The following SYNJ2 variants were observed in gnomAD, a reference collection of about 807,000 sequenced individuals.
The protein encoded by SYNJ2 is polyphosphatidylinositol phosphatase SYNJ2.
In SYNJ2, 116 loss-of-function variants were observed where a neutral mutation model predicts 141.3. That is an observed-to-expected ratio of 0.82 (90% confidence interval 0.71 to 0.96). SYNJ2 has a LOEUF of 0.96. Among genes scored for constraint, SYNJ2 ranks in the 40% least tolerant of loss-of-function variants. The probability of loss-of-function intolerance (pLI) is 0.00; values close to 1 mark genes in which losing one functional copy is unlikely to be tolerated. For missense variants in SYNJ2, 1,873 were observed against 1,934.8 expected (o/e 0.97, Z 0.60); for synonymous variants, 745 against 777.7 (o/e 0.96, Z 0.70).
At chr6:157,988,917 A>G (rs7771656) in intron 1 of SYNJ2, among the ~76,000 whole-genome samples, 4,466 of 152,224 alleles carry the variant, frequency 0.029, 221 homozygotes, top group African/African-American at 0.1. Flanking sequence ...CCACCTTCAA[A>G]GTCCATACGA....
chr6:158,047,799 A>AAAAAAC (rs1780334571), intron 5 of SYNJ2, among the ~76,000 whole-genome samples: 2 of 149,806 alleles, frequency 1.3e-5, no homozygotes, highest in African/African-American at 4.9e-5. Context: ...AAAAAAAAAA[A>AAAAAAC]AAAAAACACA....
chr6:158,049,749 G>A (rs1343205877), intron 5 of SYNJ2, among the ~76,000 whole-genome samples: 1 of 151,766 alleles, frequency 6.6e-6, no homozygotes, highest in Admixed American at 6.6e-5. Context: ...TGCAGGTGGG[G>A]ACACGGCTCT....
rs1250575772 is a variant in SYNJ2 at position 158,028,930 on chromosome 6, AT to A, written c.392del (p.Phe131SerfsTer12). The A allele has an allele frequency of 1.2e-6, 2 of 1,613,948 alleles. No homozygotes were observed. The highest frequency in any genetic ancestry group is 1.7e-6 in the Non-Finnish European group (2 of 1,180,000). On this transcript the variant is annotated frameshift_variant, in exon 3 of 27. Coordinates refer to ENST00000355585, the MANE Select transcript of SYNJ2 (RefSeq NM_003898.4). LOFTEE classifies it high-confidence loss of function. ...LKKILSSGVF[Y>X]FSWPNDGSRF... The stretch of plus-strand genomic sequence containing the variant: ...AAAATCCTCAGCTCGGGGGTGTTCT[AT>A]TTCTCATGGCCAAACGATGGGTCTC...
chr6:158,038,631 T>G (rs1339830959), intron 4 of SYNJ2, among the ~76,000 whole-genome samples: 2 of 152,204 alleles, frequency 1.3e-5, no homozygotes, highest in East Asian at 3.8e-4. Context: ...GCTGTCCACG[T>G]GGGCCTTCAG....
At chr6:158,095,587 T>C in intron 26 of SYNJ2, 31 bp from the exon 27 acceptor site, 2 of 1,549,604 alleles carry the variant, frequency 1.3e-6, no homozygotes, top group Non-Finnish European at 8.7e-7. Flanking sequence ...ATTGGCTTCT[T>C]ATTTACACTC....
Position 158,071,706 on chromosome 6 carries a change from T to C in SYNJ2, c.2045T>C (p.Ile682Thr), listed in dbSNP as rs1781936821. 1 of 1,614,034 alleles carries C rather than the reference T, an allele frequency of 6.2e-7. No homozygotes were observed. The highest frequency in any genetic ancestry group is 8.5e-7 in the Non-Finnish European group (1 of 1,180,008). ...FQFHSTSFCF[I>T]CSHLTAGQSQ... is the part of the protein sequence containing the mutation. ...TTCCACAGCACCAGCTTCTGCTTCA[T>C]ATGTAGTCACCTGACGGCCGGGCAG... The change falls in exon 15 of 27, where the codon ATA (isoleucine) becomes ACA (threonine). Residue 682 changes from isoleucine (I) to threonine (T), a missense_variant. Physicochemically the swap from Ile to Thr is moderately conservative, Grantham distance 89. Transcript: ENST00000355585. The surrounding 1 kb of genome is among the most constrained non-coding windows in gnomAD (Gnocchi z 4.3).
At chr6:157,983,948 C>T (rs150002654) in intron 1 of SYNJ2, among the ~76,000 whole-genome samples, 353 of 152,326 alleles carry the variant, frequency 2.3e-3, no homozygotes, top group African/African-American at 8.0e-3. Context: ...CTGCCTCAGC[C>T]TCCTGAGTAG....
At chr6:157,991,473 A>T (rs1265755769) in intron 1 of SYNJ2, among the ~76,000 whole-genome samples, 7 of 152,122 alleles carry the variant, frequency 4.6e-5, no homozygotes, top group Admixed American at 4.6e-4. Context: ...GAGGGAGGAG[A>T]CCTGAATCCT....
intron 2 of SYNJ2, among the ~76,000 whole-genome samples, chr6:158,026,585 G>A (rs911232936): frequency 2.0e-5 from 3 of 152,144 alleles, no homozygotes; most frequent in Admixed American, 6.5e-5. Flanking sequence ...GGCTGCTACA[G>A]TGCTCCTCTC....
At position 158,096,389 on chromosome 6, in the gene SYNJ2, C is replaced by A; in HGVS notation, c.*25C>A. The A allele has an allele frequency of 1.3e-6, 2 of 1,555,802 alleles. No individual in the cohort carries two copies. Among genetic ancestry groups the A allele is most frequent in the South Asian group, 2.5e-5 (2 of 81,156 alleles). ...ACTGAGCAGCTTTGAAGGCTGCAGT[C>A]CTATAGAATGCATACCTTCCTCCCT... On this transcript the variant is annotated 3_prime_UTR_variant, in exon 27 of 27. Transcript: ENST00000355585.
chr6:158,066,441 C>T lies in SYNJ2; in HGVS notation c.1526-3C>T. The T allele has an allele frequency of 6.2e-7, 1 of 1,614,162 alleles. No homozygotes were observed. The highest frequency in any genetic ancestry group is 1.1e-5 in the South Asian group (1 of 91,090). ...AAATGTGCCTTTTTATGCCTCCTGA[C>T]AGTGACTCCCAGGATCCTGAAAGCT... On this transcript the variant is annotated splice_region_variant and splice_polypyrimidine_tract_variant and intron_variant, in intron 11 of 26. Coordinates refer to ENST00000355585, the MANE Select transcript of SYNJ2 (RefSeq NM_003898.4).
At position 158,070,498 on chromosome 6, in the gene SYNJ2, C is replaced by T. The variant is rs755350; in HGVS notation, c.1940+825C>T. On this transcript the variant is annotated intron_variant, in intron 14 of 26. Coordinates refer to ENST00000355585, the MANE Select transcript of SYNJ2 (RefSeq NM_003898.4). This position sits in a 1 kb window ranked among gnomAD's most constrained non-coding sequence, Gnocchi z 4.0. ...GCAGCTTGGCAGTGTCCTAGGTTAGCAGGTGAAGGTTAGTAAAGGTTAAAG... is the reference window on the plus strand; with the variant it reads ...GCAGCTTGGCAGTGTCCTAGGTTAGTAGGTGAAGGTTAGTAAAGGTTAAAG... 2.7e-3 allele frequency: 2,672 copies of T among 985,408 alleles called. 6 individuals carry two copies. Among genetic ancestry groups the T allele is most frequent in the Non-Finnish European group, 3.0e-3 (2,509 of 829,996 alleles). The allele number at this position is 985,408 out of a possible 1,614,324, so 61.0% of individuals were successfully genotyped here.
chr6:158,033,239 G>A (rs1277354599), intron 3 of SYNJ2, among the ~76,000 whole-genome samples: 1 of 152,198 alleles, frequency 6.6e-6, no homozygotes, highest in African/African-American at 2.4e-5. Context: ...TCCTCTACGT[G>A]ACACAGTGGT....
chr6:158,017,124 G>A (rs1778493099), intron 1 of SYNJ2, 80 bp from the exon 2 acceptor site: 1 of 1,537,980 alleles, frequency 6.5e-7, no homozygotes, highest in Non-Finnish European at 8.8e-7. Flanking sequence ...TGGGAAGCCA[G>A]CTTGGCAAGC....
At chr6:158,011,635 G>A (rs958451218) in intron 1 of SYNJ2, among the ~76,000 whole-genome samples, 2 of 152,264 alleles carry the variant, frequency 1.3e-5, no homozygotes, top group East Asian at 1.9e-4. Context: ...TGAAGTCCAC[G>A]CCTGTCATCT....
rs1779908891 is a variant in SYNJ2, at chr6:158,040,865, G to C, written c.712-2451G>C. ...CTGGCCTCATCACAGCACTGGCACG[G>C]GCCTCCGACTTTTCTTCCCGTGGCC... On this transcript the variant is annotated intron_variant, in intron 4 of 26. Transcript: ENST00000355585. The surrounding 1 kb of genome is among the most constrained non-coding windows in gnomAD (Gnocchi z 4.2). 6.6e-6 allele frequency among the ~76,000 whole-genome samples: 1 copy of C among 152,098 alleles called. No homozygotes were observed. The highest frequency in any genetic ancestry group is 1.5e-5 in the Non-Finnish European group (1 of 68,014).
chr6:158,016,943 C>T lies in SYNJ2; in HGVS notation c.128-261C>T, dbSNP rs186933391. On this transcript the variant is annotated intron_variant, in intron 1 of 26. Transcript: ENST00000355585. The stretch of plus-strand genomic sequence containing the variant: ...CCTGCCCCCAGCTGGACGCCAGAAC[C>T]CCAGGACCCCAGCTCCTCCAGCCCC... 7.6e-5 allele frequency: 88 copies of T among 1,160,202 alleles called. 1 individual carries two copies. In the African/African-American group the frequency reaches 1.4e-3, roughly 18 times the overall value. 71.9% of individuals were successfully genotyped at this position (1,160,202 alleles called of 1,614,324 possible). A position where few individuals can be genotyped will look rare whatever the true frequency, so the allele number is the denominator to read the frequency against.
At position 158,059,279 on chromosome 6, in the gene SYNJ2, C is replaced by G. The variant is rs1156553882; in HGVS notation, c.880C>G (p.Gln294Glu). 6.5e-7 allele frequency: 1 copy of G among 1,549,920 alleles called. No homozygotes were observed. The highest frequency in any genetic ancestry group is 1.4e-5 in the African/African-American group (1 of 73,056). The change falls in exon 7 of 27, where the codon CAG (glutamine) becomes GAG (glutamate). Residue 294 changes from glutamine to glutamate, a missense_variant. Coordinates refer to ENST00000355585, the MANE Select transcript of SYNJ2 (RefSeq NM_003898.4). ...CAGGCACATGGTGCTTCTGAAGGAG[C>G]AGTACGGGCAGCAGGTGGTCGTGAA... ...FDRHMVLLKE[Q>E]YGQQVVVNLL...
chr6:158,085,406 T>C (rs1348338668), intron 22 of SYNJ2, among the ~76,000 whole-genome samples: 1 of 152,138 alleles, frequency 6.6e-6, no homozygotes, highest in Non-Finnish European at 1.5e-5. Context: ...TCAGCTACAT[T>C]GATGCTGTTC....
Sources: allele counts gnomAD v4.1 joint callset (sites outside exome capture counted in the v4.1 genomes callset), GRCh38; gene constraint gnomAD v4.1.1; non-coding constraint Gnocchi (gnomAD v3.1); transcripts MANE v1.5; gene names NCBI Gene and HGNC (gene_info 2026-07-23, HGNC 2026-07-21).